The following ACOT7 variants were observed in gnomAD, a reference collection of about 807,000 sequenced individuals.
The protein encoded by ACOT7 is acyl-CoA thioesterase 7, also known as cytosolic acyl coenzyme A thioester hydrolase.
In ACOT7, 12 loss-of-function variants were observed where a neutral mutation model predicts 40.2. That is an observed-to-expected ratio of 0.30 (90% CI 0.19 to 0.48). The LOEUF is 0.48. Ranked by LOEUF, ACOT7 falls within the 20% of genes least tolerant of loss-of-function variation. The pLI is 0.99. For missense variants in ACOT7, 395 were observed against 530.8 expected (o/e 0.74, Z 2.51); for synonymous variants, 228 against 219.5 (o/e 1.04, Z -0.34).
In ACOT7 at chr1:6,347,651, C is replaced by T. The variant is rs1571330231; in HGVS notation, c.261+2098G>A. ...GTGTGGTTGTACACACCTGTAATCC[C>T]AGCTGCTCGGGAAGCTGAGGCAGGA... On this transcript the variant is annotated intron_variant, in intron 2 of 8. Coordinates refer to ENST00000361521, the MANE Select transcript of ACOT7 (RefSeq NM_007274.4). Among the ~76,000 whole-genome samples the T allele has an allele frequency of 6.6e-5, 10 of 152,112 alleles. 1 individual carries two copies. The South Asian group carries it at 2.1e-3, about 32-fold the overall frequency.
rs1020920608 is a variant in ACOT7 at position 6,330,354 on chromosome 1, G to A, written c.511-2941C>T. Among the ~76,000 whole-genome samples the A allele has an allele frequency of 6.6e-6, 1 of 152,128 alleles. No homozygotes were observed. Among genetic ancestry groups the A allele is most frequent in the African/African-American group, 2.4e-5 (1 of 41,434 alleles). On this transcript the variant is annotated intron_variant, in intron 4 of 8. Transcript: ENST00000361521. The surrounding 1 kb of genome is among the most constrained non-coding windows in gnomAD (Gnocchi z 4.6). ...AGCAGGCCTCTGGCCGGGCCCACCAGTGAAAAACAGGAGACCTAGATTCCA... is the reference window on the plus strand; with the variant it reads ...AGCAGGCCTCTGGCCGGGCCCACCAATGAAAAACAGGAGACCTAGATTCCA...
At chr1:6,337,335 C>A (rs569192426) in intron 3 of ACOT7, among the ~76,000 whole-genome samples, 1 of 152,254 alleles carries the variant, frequency 6.6e-6, no homozygotes, top group Non-Finnish European at 1.5e-5. Context: ...AGCCTCTCCC[C>A]CTCTCAGCCC....
At chr1:6,292,238 G>A (rs1451949603) in intron 7 of ACOT7, among the ~76,000 whole-genome samples, 7 of 152,218 alleles carry the variant, frequency 4.6e-5, no homozygotes, top group Non-Finnish European at 1.5e-5. Flanking sequence ...TTCTGGTAAG[G>A]GGCCCAGTGT....
At chr1:6,386,104 A>G (rs542000154) in intron 1 of ACOT7, among the ~76,000 whole-genome samples, 1 of 152,192 alleles carries the variant, frequency 6.6e-6, no homozygotes, top group Non-Finnish European at 1.5e-5. Context: ...CCACCTGGGC[A>G]GAGAGGTCTT....
chr1:6,370,356 A>C (rs1642105286), intron 1 of ACOT7, among the ~76,000 whole-genome samples: 1 of 152,070 alleles, frequency 6.6e-6, no homozygotes, highest in Admixed American at 6.6e-5. Context: ...ACAGCCACAC[A>C]AATGGACTAA....
chr1:6,349,995 G>T, intron 1 of ACOT7, 129 bp from the exon 2 acceptor site: 1 of 892,490 alleles, frequency 1.1e-6, no homozygotes. Flanking sequence ...CCTTCCCAAT[G>T]TTTGGGCTCT....
At chr1:6,272,907 G>GC (rs1639077643) in intron 8 of ACOT7, among the ~76,000 whole-genome samples, 1 of 152,204 alleles carries the variant, frequency 6.6e-6, no homozygotes, top group African/African-American at 2.4e-5. Flanking sequence ...TCCTGGTACA[G>GC]CCCCCCTCCT....
chr1:6,293,684 G>C (rs1464626587), intron 7 of ACOT7, among the ~76,000 whole-genome samples: 1 of 152,210 alleles, frequency 6.6e-6, no homozygotes, highest in Non-Finnish European at 1.5e-5. Flanking sequence ...CTGGGTGACA[G>C]AATAAGATCG....
At chr1:6,346,641 G>A (rs1336623868) in intron 2 of ACOT7, among the ~76,000 whole-genome samples, 1 of 152,258 alleles carries the variant, frequency 6.6e-6, no homozygotes, top group East Asian at 1.9e-4. Flanking sequence ...AGGCAGCACT[G>A]TGCCCTGACT....
Position 6,327,451 on chromosome 1 carries a change from C to T in ACOT7, c.511-38G>A, listed in dbSNP as rs1219225232. The T allele has an allele frequency of 2.3e-5, 37 of 1,601,260 alleles. No individual in the cohort carries two copies. The East Asian group carries it at 7.9e-4, about 34-fold the overall frequency. Reference sequence around the variant, plus strand: ...AAAGACAGGTCAGGCCCAGGCAGGACACGGCCTCCTCCCCTCGCTGGGCGG... The same window carrying T: ...AAAGACAGGTCAGGCCCAGGCAGGATACGGCCTCCTCCCCTCGCTGGGCGG... On this transcript the variant is annotated intron_variant, in intron 4 of 8. Transcript: ENST00000361521.
rs754045382 is a variant in ACOT7, at chr1:6,393,285, C to G, written c.115G>C (p.Glu39Gln). Residue 39 changes from glutamate to glutamine, a missense_variant, in exon 1 of 9, where the codon GAG (glutamate) becomes CAG (glutamine). This residue lies in a region of ACOT7 where 86 missense variants were observed against 60.5 expected (regional missense o/e 1.42). Transcript: ENST00000361521. Reference protein sequence around the residue: ...AAPSMSGPDVETPSAIQICRI... With the variant: ...AAPSMSGPDVQTPSAIQICRI... Reference sequence around the variant, plus strand: ...CAGATCTGGATGGCGGACGGCGTCTCGACGTCTGGGCCCGACATGCTGGGG... The same window carrying G: ...CAGATCTGGATGGCGGACGGCGTCTGGACGTCTGGGCCCGACATGCTGGGG... 1 of 1,283,970 alleles carries G rather than the reference C, an allele frequency of 7.8e-7. No individual in the cohort carries two copies. Among genetic ancestry groups the G allele is most frequent in the Non-Finnish European group, 9.9e-7 (1 of 1,015,006 alleles). 79.5% of individuals were successfully genotyped at this position (1,283,970 alleles called of 1,614,324 possible).
chr1:6,305,493 G>A (rs1355758067), intron 6 of ACOT7, among the ~76,000 whole-genome samples: 1 of 150,258 alleles, frequency 6.7e-6, no homozygotes, highest in African/African-American at 2.5e-5. Context: ...CCGGGCGGAG[G>A]GGCTTCTCAC....
At chr1:6,315,793 G>C (rs1036193840) in intron 6 of ACOT7, among the ~76,000 whole-genome samples, 1 of 145,248 alleles carries the variant, frequency 6.9e-6, no homozygotes, top group African/African-American at 2.7e-5. Flanking sequence ...AGAAGGTTAA[G>C]CTTGGTAAAA....
Position 6,282,829 on chromosome 1 carries a change from G to A in ACOT7, c.830-1543C>T, listed in dbSNP as rs76494698. The A allele has an allele frequency of 1.5e-6, 2 of 1,298,546 alleles. No homozygotes were observed. The highest frequency in any genetic ancestry group is 2.3e-5 in the Admixed American group (1 of 43,548). The allele number at this position is 1,298,546 out of a possible 1,614,324, so 80.4% of individuals were successfully genotyped here. On this transcript the variant is annotated intron_variant, in intron 7 of 8. Coordinates refer to ENST00000361521, the MANE Select transcript of ACOT7 (RefSeq NM_007274.4). The surrounding 1 kb of genome is among the most constrained non-coding windows in gnomAD (Gnocchi z 4.5). ...GTACAGAGTCCCATGCAAAGCGCCC[G>A]CAGTCACAAGACGCACCCCGGGAGG...
intron 2 of ACOT7, among the ~76,000 whole-genome samples, chr1:6,342,249 C>T (rs550709802): frequency 6.6e-5 from 10 of 152,254 alleles, no homozygotes; most frequent in African/African-American, 2.2e-4. Flanking sequence ...TGAGCTCCCT[C>T]GGGACCCTTT....
chr1:6,387,162 T>G (rs1642453754), intron 1 of ACOT7, among the ~76,000 whole-genome samples: 1 of 152,078 alleles, frequency 6.6e-6, no homozygotes, highest in Admixed American at 6.6e-5. Context: ...AAGCAGATCT[T>G]TTTGCCAGGG....
At chr1:6,328,061 C>T (rs1451292270) in intron 4 of ACOT7, among the ~76,000 whole-genome samples, 1 of 152,136 alleles carries the variant, frequency 6.6e-6, no homozygotes, top group Non-Finnish European at 1.5e-5. Context: ...CGTGAGCCAC[C>T]GTGCCCGGCC....
intron 7 of ACOT7, among the ~76,000 whole-genome samples, chr1:6,293,618 T>C (rs571170983): frequency 6.6e-6 from 1 of 152,326 alleles, no homozygotes; most frequent in Admixed American, 6.5e-5. Flanking sequence ...AGAGGATCAC[T>C]TGAGCACGGA....
Position 6,355,898 on chromosome 1 carries a change from C to G in ACOT7, c.144-6032G>C, listed in dbSNP as rs1293439359. On this transcript the variant is annotated intron_variant, in intron 1 of 8. Transcript: ENST00000361521. The surrounding 1 kb of genome is among the most constrained non-coding windows in gnomAD (Gnocchi z 5.0). Reference sequence around the variant, plus strand: ...GCAGGGAGGGGAGCCGCTCCTGCCCCCTGGCCTCACCTTGAGGGCTGGCCA... The same window carrying G: ...GCAGGGAGGGGAGCCGCTCCTGCCCGCTGGCCTCACCTTGAGGGCTGGCCA... Among the ~76,000 whole-genome samples, 1 of 152,240 alleles carries G rather than the reference C, an allele frequency of 6.6e-6. No individual in the cohort carries two copies. The highest frequency in any genetic ancestry group is 1.9e-4 in the East Asian group (1 of 5,178).
Sources: allele counts gnomAD v4.1 joint callset (sites outside exome capture counted in the v4.1 genomes callset), GRCh38; gene constraint gnomAD v4.1.1; regional missense constraint gnomAD v4.1.1; non-coding constraint Gnocchi (gnomAD v3.1); transcripts MANE v1.5; gene names NCBI Gene and HGNC (gene_info 2026-07-23, HGNC 2026-07-21).